ENTPD1: variants seen among roughly 807,000 people sequenced by gnomAD.
The protein encoded by ENTPD1 is ectonucleoside triphosphate diphosphohydrolase 1, also known as ATP diphosphohydrolase.
ENTPD1 carries 33 observed loss-of-function variants against 57.0 expected under a neutral mutation model. That is an observed-to-expected ratio of 0.58 (90% CI 0.44 to 0.77). ENTPD1 has a LOEUF of 0.77. Among genes scored for constraint, ENTPD1 ranks in the 30% least tolerant of loss-of-function variants. The probability of loss-of-function intolerance (pLI) is 0.00; values close to 1 mark genes in which losing one functional copy is unlikely to be tolerated. For missense variants in ENTPD1, 501 were observed against 603.4 expected, an observed-to-expected ratio of 0.83 and a Z score of 1.78; for synonymous variants, 202 against 218.8, an observed-to-expected ratio of 0.92 and a Z score of 0.68.
chr10:95,798,182 T>G (rs2098234284), intron 1 of ENTPD1, among the ~76,000 whole-genome samples: 1 of 152,048 alleles, frequency 6.6e-6, no homozygotes, highest in Non-Finnish European at 1.5e-5. Context: ...GCACAAGAAA[T>G]GTAGATACTG....
intron 1 of ENTPD1, among the ~76,000 whole-genome samples, chr10:95,765,912 T>G (rs1392389105): frequency 6.6e-6 from 1 of 152,184 alleles, no homozygotes; most frequent in Non-Finnish European, 1.5e-5. Context: ...TTTTGTTAAA[T>G]TTGTTCCTAA....
Position 95,875,559 on chromosome 10 carries a change from AC to A in ENTPD1, c.*9179del. On this transcript the variant is annotated 3_prime_UTR_variant, in exon 10 of 10. Transcript: ENST00000371205. ...TCTGAGCCCTCCAGATTATTTCAAC[AC>A]CCAGTTCCAAAGTTGCTTCCACATT... 1 of 169,446 alleles carries A rather than the reference AC, an allele frequency of 5.9e-6. No individual in the cohort carries two copies. The highest frequency in any genetic ancestry group is 1.2e-5 in the Non-Finnish European group (1 of 81,516). The allele number at this position is 169,446 out of a possible 1,614,324, so 10.5% of individuals were successfully genotyped here.
chr10:95,809,726 G>A lies in ENTPD1; in HGVS notation c.17-13511G>A, dbSNP rs547854243. 8.9e-4 allele frequency among the ~76,000 whole-genome samples: 125 copies of A among 139,962 alleles called. 2 individuals carry two copies. The highest frequency in any genetic ancestry group is 6.9e-4 in the East Asian group (3 of 4,354). 91.8% of individuals were successfully genotyped at this position (139,962 alleles called of 152,430 possible). ...CCACCCCCCAGACGGGGTGGCCGCCGGGCAGAGGCGCTCCCCACCTCCCAG... is the reference window on the plus strand; with the variant it reads ...CCACCCCCCAGACGGGGTGGCCGCCAGGCAGAGGCGCTCCCCACCTCCCAG... On this transcript the variant is annotated intron_variant, in intron 1 of 9. Transcript: ENST00000371205.
rs917107374 is a variant in ENTPD1, at chr10:95,871,159, G to C, written c.*4776G>C. Reference sequence around the variant, plus strand: ...AAGTCAGATAAACAGTGGGAGGAATGGCAAAGTCATATGGCCAAGGCCATG... The same window carrying C: ...AAGTCAGATAAACAGTGGGAGGAATCGCAAAGTCATATGGCCAAGGCCATG... On this transcript the variant is annotated 3_prime_UTR_variant, in exon 10 of 10. Transcript: ENST00000371205. 22 of 985,318 alleles carry C rather than the reference G, an allele frequency of 2.2e-5. No homozygotes were observed. The highest frequency in any genetic ancestry group is 1.8e-4 in the Admixed American group (3 of 16,272). 61.0% of individuals were successfully genotyped at this position (985,318 alleles called of 1,614,324 possible).
intron 1 of ENTPD1, among the ~76,000 whole-genome samples, chr10:95,733,447 A>G (rs2097991410): frequency 6.6e-6 from 1 of 152,238 alleles, no homozygotes; most frequent in Non-Finnish European, 1.5e-5. Flanking sequence ...GCTTATGAAG[A>G]TGATGGGATT....
intron 1 of ENTPD1, among the ~76,000 whole-genome samples, chr10:95,735,363 CAA>C (rs2097993528): frequency 6.6e-6 from 1 of 152,114 alleles, no homozygotes; most frequent in Admixed American, 6.6e-5. Context: ...GTCTTTCAGT[CAA>C]AGTCAAAAGA....
chr10:95,811,188 C>A (rs1217794739), intron 1 of ENTPD1, among the ~76,000 whole-genome samples: 7 of 152,210 alleles, frequency 4.6e-5, no homozygotes, highest in African/African-American at 1.7e-4. Flanking sequence ...TTTGAGTCCA[C>A]CCAAAGTCTA....
chr10:95,770,235 G>C (rs1478497554), intron 1 of ENTPD1, among the ~76,000 whole-genome samples: 1 of 107,522 alleles, frequency 9.3e-6, no homozygotes, highest in African/African-American at 3.2e-5. Flanking sequence ...GATTGAGAGA[G>C]AGAGAGAGAG....
In ENTPD1 at chr10:95,876,386, T is replaced by C. The variant is rs748552270; in HGVS notation, c.*10003T>C. On this transcript the variant is annotated 3_prime_UTR_variant, in exon 10 of 10. Transcript: ENST00000371205. The stretch of plus-strand genomic sequence containing the variant: ...AACTACTCAGCACCAATTCTAAGTT[T>C]TTCTTGATGGTAAATCATAATGTTC... 1.6e-6 allele frequency: 2 copies of C among 1,231,412 alleles called. No individual in the cohort carries two copies. Among genetic ancestry groups the C allele is most frequent in the Non-Finnish European group, 2.0e-6 (2 of 987,756 alleles). 76.3% of individuals were successfully genotyped at this position (1,231,412 alleles called of 1,614,324 possible). A position where few individuals can be genotyped will look rare whatever the true frequency, so the allele number is the denominator to read the frequency against.
rs1432507107 is a variant in ENTPD1, at chr10:95,834,776, T to A, written c.145-4915T>A. 7.2e-5 allele frequency among the ~76,000 whole-genome samples: 11 copies of A among 152,164 alleles called. No individual in the cohort carries two copies. In the East Asian group the frequency reaches 2.1e-3, roughly 30 times the overall value. On this transcript the variant is annotated intron_variant, in intron 2 of 9. Coordinates refer to ENST00000371205, the MANE Select transcript of ENTPD1 (RefSeq NM_001776.6). ...GTCTTCACCAAGGCCCCTGCATTGG[T>A]GTTTCCATGAACCAAGCAAGGTCAC...
At chr10:95,842,294 G>A in intron 3 of ENTPD1, 50 bp from the exon 4 acceptor site, 1 of 1,533,642 alleles carries the variant, frequency 6.5e-7, no homozygotes, top group Non-Finnish European at 9.0e-7. Flanking sequence ...GTCAAGGTAT[G>A]TTTTATAATT....
intron 7 of ENTPD1, among the ~76,000 whole-genome samples, chr10:95,852,405 CT>C (rs1436785742): frequency 2.6e-5 from 4 of 152,114 alleles, no homozygotes; most frequent in African/African-American, 9.7e-5. Flanking sequence ...ATGGTAGTTT[CT>C]TTTGCTGTGC....
intron 7 of ENTPD1, among the ~76,000 whole-genome samples, chr10:95,848,831 ATTGT>A (rs1468536630): frequency 6.6e-6 from 1 of 152,218 alleles, no homozygotes; most frequent in East Asian, 1.9e-4. Flanking sequence ...TAGACTAATT[ATTGT>A]TTATCACCTG....
chr10:95,741,987 C>T (rs1168623852), intron 1 of ENTPD1, among the ~76,000 whole-genome samples: 7 of 152,110 alleles, frequency 4.6e-5, no homozygotes, highest in African/African-American at 1.4e-4. Flanking sequence ...TCTGCAAAGG[C>T]GGAGGCGTTA....
At chr10:95,721,885 G>T (rs1354917881) in intron 1 of ENTPD1, among the ~76,000 whole-genome samples, 1 of 152,186 alleles carries the variant, frequency 6.6e-6, no homozygotes, top group Non-Finnish European at 1.5e-5. Flanking sequence ...ACAAAGAAAA[G>T]GGTCCAGGCT....
chr10:95,738,110 C>T (rs1326876410), intron 1 of ENTPD1, among the ~76,000 whole-genome samples: 1 of 152,154 alleles, frequency 6.6e-6, no homozygotes, highest in Non-Finnish European at 1.5e-5. Context: ...AAGTCCCTGG[C>T]ATATGGTAGG....
intron 1 of ENTPD1, among the ~76,000 whole-genome samples, chr10:95,821,893 G>A (rs963510424): frequency 2.7e-4 from 41 of 151,952 alleles, no homozygotes; most frequent in Non-Finnish European, 7.4e-5. Context: ...AGTTGAGAGA[G>A]GAGGAGGTTG....
intron 1 of ENTPD1, among the ~76,000 whole-genome samples, chr10:95,737,967 C>T (rs573823801): frequency 1.4e-4 from 21 of 152,204 alleles, no homozygotes; most frequent in African/African-American, 4.8e-4. Context: ...ATCTGAATCC[C>T]ACCACCAGCA....
rs1362242341 is a variant in ENTPD1, at chr10:95,836,335, AT to A, written c.145-3349del. On this transcript the variant is annotated intron_variant, in intron 2 of 9. Coordinates refer to ENST00000371205, the MANE Select transcript of ENTPD1 (RefSeq NM_001776.6). Reference sequence around the variant, plus strand: ...TTGGTCTGTATGAATTTTAGAGTAGATTTTTTTCTAATTCTTTGATTTCTTT... The same window carrying A: ...TTGGTCTGTATGAATTTTAGAGTAGATTTTTTCTAATTCTTTGATTTCTTT... Among the ~76,000 whole-genome samples the A allele has an allele frequency of 2.6e-5, 4 of 151,986 alleles. No individual in the cohort carries two copies. The South Asian group carries it at 8.3e-4, about 32-fold the overall frequency.
Sources: gnomAD v4.1 joint callset for allele counts (sites outside exome capture counted in the v4.1 genomes callset) on GRCh38, gnomAD v4.1.1 for gene constraint, MANE v1.5 for transcripts, NCBI Gene and HGNC (gene_info 2026-07-23, HGNC 2026-07-21) for gene names.